SPPL2A: variants seen among roughly 807,000 people sequenced by gnomAD.
SPPL2A encodes the protein signal peptide peptidase-like 2A.
Under a neutral mutation model 63.8 loss-of-function variants are expected in SPPL2A, and 51 were observed. The observed-to-expected ratio is 0.80, with a 90% CI of 0.64 to 1.01. The LOEUF is 1.01. Ranked by LOEUF, SPPL2A falls within the 50% of genes least tolerant of loss-of-function variation. The pLI, the probability that SPPL2A is intolerant of heterozygous loss-of-function variation, is 0.00. For missense variants in SPPL2A, 553 were observed against 622.7 expected, an observed-to-expected ratio of 0.89 and a Z score of 1.19; for synonymous variants, 188 against 205.8, an observed-to-expected ratio of 0.91 and a Z score of 0.74.
Position 50,706,182 on chromosome 15 carries a change from G to A in SPPL2A, c.*1618C>T, listed in dbSNP as rs1458108896. 6.6e-6 allele frequency: 1 copy of A among 151,732 alleles called. No individual in the cohort carries two copies. Among genetic ancestry groups the A allele is most frequent in the African/African-American group, 2.4e-5 (1 of 41,316 alleles). 9.4% of individuals were successfully genotyped at this position (151,732 alleles called of 1,614,324 possible). A position where few individuals can be genotyped will look rare whatever the true frequency, so the allele number is the denominator to read the frequency against. On this transcript the variant is annotated 3_prime_UTR_variant, in exon 15 of 15. Transcript: ENST00000261854. ...CGAGGCGGGCGGATCACGAGGTCAG[G>A]AGATCGAGACCATCCCGGCTAAAAC...
chr15:50,724,789 G>A (rs1167714873), intron 12 of SPPL2A, among the ~76,000 whole-genome samples: 3 of 152,134 alleles, frequency 2.0e-5, no homozygotes, highest in South Asian at 2.1e-4. Flanking sequence ...GTATTACGCA[G>A]TCCTACAAGC....
chr15:50,739,798 A>G lies in SPPL2A; in HGVS notation c.615T>C (p.Asp205=), dbSNP rs1183234957. 7 of 1,605,172 alleles carry G rather than the reference A, an allele frequency of 4.4e-6. No individual in the cohort carries two copies. The highest frequency in any genetic ancestry group is 5.9e-6 in the Non-Finnish European group (7 of 1,177,768). The change falls in exon 6 of 15, where the codon GAT becomes GAC. Residue 205 remains aspartate (D), a synonymous_variant. Transcript: ENST00000261854. ...LENLKAVTTE[D]REMRKKKEEY... is the part of the protein sequence containing the mutation. ...CTTCCTTCTTTTTCCTCATTTCTCT[A>G]TCTTCAGTTGTCACTGCTTTCAAGT...
Position 50,706,349 on chromosome 15 carries a change from C to T in SPPL2A, c.*1451G>A, listed in dbSNP as rs1477194816. On this transcript the variant is annotated 3_prime_UTR_variant, in exon 15 of 15. Transcript: ENST00000261854. ...AGCTTGCAGTGAGCCGAGATCCCGC[C>T]ACTGCACTCCAGCCTGGGCGACAGA... is the stretch of plus-strand genomic sequence containing the variant. The T allele has an allele frequency of 1.4e-5, 2 of 139,962 alleles. No homozygotes were observed. The highest frequency in any genetic ancestry group is 3.0e-5 in the Non-Finnish European group (2 of 65,986). 8.7% of individuals were successfully genotyped at this position (139,962 alleles called of 1,614,324 possible).
At position 50,725,806 on chromosome 15, in the gene SPPL2A, T is replaced by C. The variant is rs149050525; in HGVS notation, c.1147-483A>G. 1.3e-3 allele frequency: 299 copies of C among 232,118 alleles called. 2 individuals carry two copies. The highest frequency in any genetic ancestry group is 6.5e-3 in the African/African-American group (287 of 43,974). 14.4% of individuals were successfully genotyped at this position (232,118 alleles called of 1,614,324 possible). A position where few individuals can be genotyped will look rare whatever the true frequency, so the allele number is the denominator to read the frequency against. The stretch of plus-strand genomic sequence containing the variant: ...CAGTTTAAAGGAACTTGAAATACTC[T>C]GTTTCTATCTATTTCCAAAAGAAAA... On this transcript the variant is annotated intron_variant, in intron 11 of 14. Transcript: ENST00000261854.
At chr15:50,746,792 C>G (rs1327082155) in intron 5 of SPPL2A, 1 of 151,946 alleles carries the variant, frequency 6.6e-6, no homozygotes, top group Non-Finnish European at 1.5e-5. Flanking sequence ...CTCAGCCTCC[C>G]AAGTAGCTGG....
At chr15:50,724,503 G>C (rs931963395) in intron 12 of SPPL2A, among the ~76,000 whole-genome samples, 4 of 151,940 alleles carry the variant, frequency 2.6e-5, no homozygotes, top group Non-Finnish European at 5.9e-5. Context: ...GCGTGAACCT[G>C]GGAAGCGGAG....
intron 1 of SPPL2A, among the ~76,000 whole-genome samples, chr15:50,755,293 G>A (rs1166719391): frequency 1.3e-5 from 2 of 150,598 alleles, no homozygotes; most frequent in East Asian, 3.9e-4. Flanking sequence ...ATTCCAGCCT[G>A]GGTGACAGAA....
Position 50,739,669 on chromosome 15 carries a change from T to G in SPPL2A, c.733+11A>C. 5 of 1,534,576 alleles carry G rather than the reference T, an allele frequency of 3.3e-6. No homozygotes were observed. Among genetic ancestry groups the G allele is most frequent in the Non-Finnish European group, 4.4e-6 (5 of 1,143,406 alleles). On this transcript the variant is annotated intron_variant, in intron 6 of 14. Coordinates refer to ENST00000261854, the MANE Select transcript of SPPL2A (RefSeq NM_032802.4). ...TGTTAACAGTAGCAAACATAAAATATGACTTCTTACCCAACCATTTGTAGA... is the reference window on the plus strand; with the variant it reads ...TGTTAACAGTAGCAAACATAAAATAGGACTTCTTACCCAACCATTTGTAGA...
At chr15:50,755,796 G>A (rs2062952852) in intron 1 of SPPL2A, among the ~76,000 whole-genome samples, 2 of 151,938 alleles carry the variant, frequency 1.3e-5, no homozygotes, top group African/African-American at 2.4e-5. Flanking sequence ...TAGGAGCAGT[G>A]CTTATAGGAG....
rs1393856096 is a variant in SPPL2A, at chr15:50,702,505, A to C, written c.*5295T>G. On this transcript the variant is annotated 3_prime_UTR_variant, in exon 15 of 15. Transcript: ENST00000261854. ...ATTCCACACTCAAACCAATTATCTG[A>C]GAAGTAAAAATTCAATCATGTTTTA... The C allele has an allele frequency of 6.6e-6, 1 of 152,230 alleles. No homozygotes were observed. Among genetic ancestry groups the C allele is most frequent in the Non-Finnish European group, 1.5e-5 (1 of 68,028 alleles). The allele number at this position is 152,230 out of a possible 1,614,324, so 9.4% of individuals were successfully genotyped here.
chr15:50,745,548 CTTTTTT>C (rs34633198), intron 5 of SPPL2A, among the ~76,000 whole-genome samples: 2 of 118,116 alleles, frequency 1.7e-5, no homozygotes, highest in African/African-American at 6.4e-5. Flanking sequence ...TGCAGCTGGC[CTTTTTT>C]TTTTTTTTTT....
At chr15:50,745,745 C>T (rs1178401211) in intron 5 of SPPL2A, among the ~76,000 whole-genome samples, 2 of 151,890 alleles carry the variant, frequency 1.3e-5, no homozygotes, top group African/African-American at 4.8e-5. Context: ...GCTATGTTGC[C>T]AAGGCTAGAA....
chr15:50,740,818 C>G (rs1361911380), intron 5 of SPPL2A, among the ~76,000 whole-genome samples: 1 of 152,080 alleles, frequency 6.6e-6, no homozygotes, highest in Non-Finnish European at 1.5e-5. Flanking sequence ...ACCATGTTGC[C>G]CTGGCTGGTC....
intron 1 of SPPL2A, among the ~76,000 whole-genome samples, chr15:50,751,643 A>C (rs994149257): frequency 6.6e-6 from 1 of 152,160 alleles, no homozygotes; most frequent in Admixed American, 6.6e-5. Context: ...ATGTTTGATG[A>C]GTAAGTAATC....
chr15:50,753,909 G>C (rs997457542), intron 1 of SPPL2A, among the ~76,000 whole-genome samples: 29 of 152,038 alleles, frequency 1.9e-4, no homozygotes, highest in Non-Finnish European at 4.1e-4. Flanking sequence ...CAATTGTCCT[G>C]CCTCAGCCTC....
At chr15:50,727,241 A>G (rs1336465902) in intron 10 of SPPL2A, among the ~76,000 whole-genome samples, 1 of 152,186 alleles carries the variant, frequency 6.6e-6, no homozygotes, top group East Asian at 1.9e-4. Context: ...TTGACTAACT[A>G]TAATATTTTC....
intron 14 of SPPL2A, among the ~76,000 whole-genome samples, chr15:50,709,010 C>A (rs12912835): frequency 2.6e-5 from 4 of 151,520 alleles, no homozygotes; most frequent in Non-Finnish European, 5.9e-5. Flanking sequence ...GCGCTCCAGC[C>A]TGGGTGACAG....
intron 10 of SPPL2A, 30 bp from the exon 11 acceptor site, chr15:50,726,407 A>C: frequency 1.3e-6 from 2 of 1,599,464 alleles, no homozygotes; most frequent in Non-Finnish European, 8.6e-7. Flanking sequence ...GAAGTTGTCT[A>C]ATCATTTAAA....
At chr15:50,747,467 C>CA in intron 5 of SPPL2A, 28 bp downstream of exon 5, 1 of 1,573,228 alleles carries the variant, frequency 6.4e-7, no homozygotes, top group Non-Finnish European at 8.6e-7. Flanking sequence ...CCATTTATTA[C>CA]AAAAACGCTT....
Sources: gnomAD v4.1 joint callset for allele counts (sites outside exome capture counted in the v4.1 genomes callset) on GRCh38, gnomAD v4.1.1 for gene constraint, MANE v1.5 for transcripts, NCBI Gene and HGNC (gene_info 2026-07-23, HGNC 2026-07-21) for gene names.